Variants in ZRANB1 observed in about 807,000 individuals in gnomAD.
The protein encoded by ZRANB1 is ubiquitin thioesterase ZRANB1.
In ZRANB1, 16 loss-of-function variants were observed where a neutral mutation model predicts 80.5. The observed-to-expected ratio is 0.20, with a 90% CI of 0.13 to 0.30. ZRANB1 has a LOEUF of 0.30. Ranked by LOEUF, ZRANB1 falls within the 10% of genes least tolerant of loss-of-function variation. ZRANB1 has a pLI of 1.00. For missense variants in ZRANB1, 576 were observed against 862.6 expected, an observed-to-expected ratio of 0.67 and a Z score of 4.16; for synonymous variants, 291 against 293.1, an observed-to-expected ratio of 0.99 and a Z score of 0.07.
chr10:124,959,860 C>G (rs191336306), intron 1 of ZRANB1, among the ~76,000 whole-genome samples: 1 of 151,762 alleles, frequency 6.6e-6, no homozygotes, highest in Non-Finnish European at 1.5e-5. Flanking sequence ...AGATGGCAGA[C>G]CAGTAGAGTA....
intron 2 of ZRANB1, among the ~76,000 whole-genome samples, chr10:124,967,782 A>G (rs1467123064): frequency 6.6e-6 from 1 of 152,144 alleles, no homozygotes; most frequent in Non-Finnish European, 1.5e-5. Flanking sequence ...GGGAAGATAC[A>G]GTGTGGATGT....
At chr10:124,952,842 T>G (rs1951652473) in intron 1 of ZRANB1, among the ~76,000 whole-genome samples, 2 of 152,204 alleles carry the variant, frequency 1.3e-5, no homozygotes, top group African/African-American at 2.4e-5. Context: ...ACTCCTAACC[T>G]CAGGTGATCT....
rs1197291356 is a variant in ZRANB1 at position 124,987,863 on chromosome 10, A to G, written c.*2871A>G. 2.0e-5 allele frequency: 3 copies of G among 152,230 alleles called. No individual in the cohort carries two copies. The highest frequency in any genetic ancestry group is 1.9e-4 in the East Asian group (1 of 5,198). 9.4% of individuals were successfully genotyped at this position (152,230 alleles called of 1,614,324 possible). On this transcript the variant is annotated 3_prime_UTR_variant, in exon 9 of 9. Transcript: ENST00000359653. ...ACACTTGCAAATACTTTTAGTATAAAGGTTTAATTCTATTTAAAAAGAAGA... is the reference window on the plus strand; with the variant it reads ...ACACTTGCAAATACTTTTAGTATAAGGGTTTAATTCTATTTAAAAAGAAGA...
intron 1 of ZRANB1, among the ~76,000 whole-genome samples, chr10:124,954,608 C>T (rs1413491355): frequency 2.0e-5 from 3 of 150,168 alleles, no homozygotes; most frequent in East Asian, 2.1e-4. Flanking sequence ...CCACCATGCC[C>T]GTCTAATTTT....
At chr10:124,956,617 C>T (rs139726883) in intron 1 of ZRANB1, among the ~76,000 whole-genome samples, 92 of 152,278 alleles carry the variant, frequency 6.0e-4, no homozygotes, top group African/African-American at 2.0e-3. Flanking sequence ...TATAGGCAAG[C>T]TCGCCACCAC....
upstream of ZRANB1, among the ~76,000 whole-genome samples, chr10:124,939,877 C>T (rs1287730817): frequency 6.6e-6 from 1 of 152,046 alleles, no homozygotes; most frequent in Non-Finnish European, 1.5e-5. Context: ...TCTGCTCTTC[C>T]ACACATTTTT....
chr10:124,942,386 T>C lies in ZRANB1; in HGVS notation c.-108T>C. The C allele has an allele frequency of 6.6e-7, 1 of 1,514,762 alleles. No homozygotes were observed. Among genetic ancestry groups the C allele is most frequent in the Non-Finnish European group, 8.8e-7 (1 of 1,134,386 alleles). 93.8% of individuals were successfully genotyped at this position (1,514,762 alleles called of 1,614,324 possible). On this transcript the variant is annotated 5_prime_UTR_variant, in exon 1 of 9. Coordinates refer to ENST00000359653, the MANE Select transcript of ZRANB1 (RefSeq NM_017580.3). ...TTTATATTTTGTAGGTTGAAGGACT[T>C]GCTTTTTGGGCAGCGTATTTTTGGA... is the stretch of plus-strand genomic sequence containing the variant.
At chr10:124,946,180 A>T (rs550864100) in intron 1 of ZRANB1, 1 of 152,422 alleles carries the variant, frequency 6.6e-6, no homozygotes, top group East Asian at 1.9e-4. Context: ...GCACTTTGGG[A>T]GATTGAGTTG....
Position 124,981,721 on chromosome 10 carries a change from C to G in ZRANB1, c.1440C>G (p.Arg480=). ...CCTGCTTTTTTAGGTTTTACACACG[C>G]TGGAAAGATTGGGAATCATGGTATT... ...LHDCSHWFYT[R]WKDWESWYSQ... Residue 480 remains arginine (R), a synonymous_variant, in exon 6 of 9, where the codon CGC becomes CGG. Transcript: ENST00000359653. The G allele has an allele frequency of 6.2e-7, 1 of 1,611,508 alleles. No individual in the cohort carries two copies. Among genetic ancestry groups the G allele is most frequent in the South Asian group, 1.1e-5 (1 of 90,324 alleles).
intron 1 of ZRANB1, among the ~76,000 whole-genome samples, chr10:124,963,554 G>GTTTTTTTTTTTTTTTTTTT (rs760813299): frequency 1.1e-3 from 62 of 57,470 alleles, no homozygotes; most frequent in Non-Finnish European, 1.5e-3. Flanking sequence ...TTTTTTGTTT[G>GTTTTTTTTTTTTTTTTTTT]TTTTTTTTTT....
At chr10:124,975,489 A>G (rs868570298) in intron 5 of ZRANB1, among the ~76,000 whole-genome samples, 6 of 152,186 alleles carry the variant, frequency 3.9e-5, no homozygotes, top group African/African-American at 9.7e-5. Flanking sequence ...CATTTCTTCA[A>G]TTGTATCAAA....
the ZRANB1 span, chr10:124,917,181 T>C: frequency 1.5e-3 from 258 of 168,594 alleles, 2 homozygotes; most frequent in South Asian, 5.9e-3. Context: ...GAGTCGCCGC[T>C]GCCGCCGCCG....
At chr10:124,949,628 C>T (rs911670470) in intron 1 of ZRANB1, among the ~76,000 whole-genome samples, 3 of 150,282 alleles carry the variant, frequency 2.0e-5, no homozygotes, top group Admixed American at 6.7e-5. Context: ...CTTAAGCAGT[C>T]CTCCCACCTC....
the ZRANB1 span, among the ~76,000 whole-genome samples, chr10:124,933,848 A>T: frequency 6.6e-6 from 1 of 152,206 alleles, no homozygotes; most frequent in Non-Finnish European, 1.5e-5. Context: ...GAGGAACTGA[A>T]GTGTTCAGAT....
chr10:124,946,268 A>G (rs1169125950), intron 1 of ZRANB1: 1 of 152,166 alleles, frequency 6.6e-6, no homozygotes, highest in Non-Finnish European at 1.5e-5. Flanking sequence ...AAAATACAAA[A>G]TTAGCCGGGC....
intron 1 of ZRANB1, among the ~76,000 whole-genome samples, chr10:124,959,285 G>A (rs1951712130): frequency 6.6e-6 from 1 of 152,098 alleles, no homozygotes; most frequent in African/African-American, 2.4e-5. Context: ...AAAAATCCAG[G>A]GTGGAGAGAC....
the ZRANB1 span, among the ~76,000 whole-genome samples, chr10:124,923,162 C>G: frequency 2.0e-5 from 3 of 152,022 alleles, no homozygotes; most frequent in Non-Finnish European, 4.4e-5. Context: ...TGGTGCACAC[C>G]TGTAGTCTCA....
chr10:124,965,524 T>G (rs1951769190), intron 1 of ZRANB1, among the ~76,000 whole-genome samples: 1 of 152,224 alleles, frequency 6.6e-6, no homozygotes, highest in Non-Finnish European at 1.5e-5. Flanking sequence ...ATTGTTGCAT[T>G]TTATCAATCT....
the ZRANB1 span, among the ~76,000 whole-genome samples, chr10:124,919,921 C>CCCT: frequency 4.8e-5 from 3 of 62,022 alleles, no homozygotes; most frequent in African/African-American, 1.4e-4. Context: ...CCCCCCCCCC[C>CCCT]TTTTTTTTTT....
Sources: gnomAD v4.1 joint callset for allele counts (sites outside exome capture counted in the v4.1 genomes callset) on GRCh38, gnomAD v4.1.1 for gene constraint, MANE v1.5 for transcripts, NCBI Gene and HGNC (gene_info 2026-07-23, HGNC 2026-07-21) for gene names.